Variants in CHIC2 observed in about 807,000 individuals in gnomAD.
CHIC2 encodes the protein cysteine rich hydrophobic domain 2.
A neutral mutation model predicts 25.9 loss-of-function variants in CHIC2; 14 were observed. The ratio of observed to expected loss-of-function variants is 0.54; its 90% CI spans 0.36 to 0.85. The LOEUF (loss-of-function observed/expected upper bound fraction) is 0.85, where lower values mean the gene tolerates loss of function less well. Among genes scored for constraint, CHIC2 ranks in the 40% least tolerant of loss-of-function variants. CHIC2 has a pLI of 0.01. For missense variants in CHIC2, 146 were observed against 202.0 expected, an observed-to-expected ratio of 0.72 and a Z score of 1.68; for synonymous variants, 70 against 72.0, an observed-to-expected ratio of 0.97 and a Z score of 0.14.
intron 3 of CHIC2, among the ~76,000 whole-genome samples, chr4:54,046,090 C>G (rs1180986019): frequency 6.6e-6 from 1 of 150,890 alleles, no homozygotes; most frequent in African/African-American, 2.4e-5. Context: ...ATCCAACTTA[C>G]AAGGGATGTG....
At chr4:54,076,084 C>T in the CHIC2 span, among the ~76,000 whole-genome samples, 3 of 152,024 alleles carry the variant, frequency 2.0e-5, no homozygotes, top group East Asian at 3.9e-4. Flanking sequence ...CTCAGGAGTT[C>T]AAGAACAGCC....
chr4:54,049,845 T>C (rs1223499989), intron 1 of CHIC2, among the ~76,000 whole-genome samples: 1 of 152,136 alleles, frequency 6.6e-6, no homozygotes, highest in Non-Finnish European at 1.5e-5. Flanking sequence ...TAGGTTCCAT[T>C]GAACACCTAT....
chr4:54,091,673 C>A, the CHIC2 span, among the ~76,000 whole-genome samples: 2 of 152,132 alleles, frequency 1.3e-5, no homozygotes, highest in Non-Finnish European at 2.9e-5. Flanking sequence ...ACCTGTTCCT[C>A]AAAAAACTAT....
chr4:54,038,319 G>C (rs908156834), intron 3 of CHIC2, among the ~76,000 whole-genome samples: 8 of 152,172 alleles, frequency 5.3e-5, no homozygotes, highest in Non-Finnish European at 1.0e-4. Context: ...TGTATTTTAT[G>C]TACTAGCAGT....
chr4:54,091,611 A>C, the CHIC2 span, among the ~76,000 whole-genome samples: 38 of 152,314 alleles, frequency 2.5e-4, no homozygotes, highest in Admixed American at 2.4e-3. Flanking sequence ...TGATGGGTGC[A>C]CCAAAATCTC....
the CHIC2 span, chr4:54,086,958 T>C: frequency 5.5e-6 from 4 of 727,196 alleles, no homozygotes; most frequent in Non-Finnish European, 9.9e-6. Context: ...CTCAATCTCA[T>C]GGACAACAAT....
the CHIC2 span, among the ~76,000 whole-genome samples, chr4:54,073,709 T>C: frequency 2.0e-5 from 3 of 152,196 alleles, no homozygotes; most frequent in Non-Finnish European, 4.4e-5. Context: ...TGTTTTAAGC[T>C]ACCAAGTTTT....
At chr4:54,069,090 A>C (rs1176017070), upstream of CHIC2, among the ~76,000 whole-genome samples, 1 of 152,174 alleles carries the variant, frequency 6.6e-6, no homozygotes, top group Non-Finnish European at 1.5e-5. Flanking sequence ...ACAGAGGTAC[A>C]ATCACCATTC....
At chr4:54,045,121 G>C (rs887907181) in intron 3 of CHIC2, among the ~76,000 whole-genome samples, 1 of 152,120 alleles carries the variant, frequency 6.6e-6, no homozygotes, top group Non-Finnish European at 1.5e-5. Context: ...TGTCTGAATA[G>C]ACCAATAACA....
upstream of CHIC2, among the ~76,000 whole-genome samples, chr4:54,064,958 C>A (rs1717477999): frequency 6.6e-6 from 1 of 152,228 alleles, no homozygotes; most frequent in African/African-American, 2.4e-5. The surrounding 1 kb of genome is among the most constrained non-coding windows in gnomAD (Gnocchi z 4.2). Flanking sequence ...AAAGTCATCT[C>A]TAACCAAAAC....
At position 54,051,132 on chromosome 4, in the gene CHIC2, T is replaced by C. The variant is rs1418678749; in HGVS notation, c.120-1827A>G. Among the ~76,000 whole-genome samples the C allele has an allele frequency of 2.6e-5, 4 of 152,224 alleles. No individual in the cohort carries two copies. In the East Asian group the frequency reaches 7.7e-4, roughly 29 times the overall value. ...ATCATTTCATTTCTCCCATCCTTAC[T>C]AAATTTGTTTTTTGGCCTCTGGTTG... On this transcript the variant is annotated intron_variant, in intron 1 of 5. Transcript: ENST00000263921.
At chr4:54,087,601 C>T in the CHIC2 span, 2,751 of 711,022 alleles carry the variant, frequency 3.9e-3, 8 homozygotes, top group Non-Finnish European at 5.4e-3. Flanking sequence ...GGGCACACAC[C>T]TACTGAGGTT....
At chr4:54,032,107 C>CA (rs1370582095) in intron 3 of CHIC2, among the ~76,000 whole-genome samples, 2 of 151,950 alleles carry the variant, frequency 1.3e-5, no homozygotes, top group Non-Finnish European at 2.9e-5. Flanking sequence ...AATAAAAGCA[C>CA]AAAGGAAATG....
the CHIC2 span, among the ~76,000 whole-genome samples, chr4:54,078,456 G>A: frequency 5.2e-3 from 793 of 152,256 alleles, 6 homozygotes; most frequent in South Asian, 7.9e-3. Context: ...TAGTTTGTCT[G>A]TATTGAGCTG....
intron 1 of CHIC2, among the ~76,000 whole-genome samples, chr4:54,052,500 A>G (rs865913735): frequency 2.6e-5 from 4 of 152,206 alleles, no homozygotes; most frequent in Admixed American, 1.3e-4. Context: ...AGAAAGGCCA[A>G]GTTTCATCCC....
chr4:54,083,613 A>T, the CHIC2 span, among the ~76,000 whole-genome samples: 1 of 152,158 alleles, frequency 6.6e-6, no homozygotes, highest in Admixed American at 6.5e-5. Context: ...TCTAATTAGT[A>T]ACCAAGGCTC....
chr4:54,078,890 T>C, the CHIC2 span, among the ~76,000 whole-genome samples: 1 of 152,276 alleles, frequency 6.6e-6, no homozygotes, highest in East Asian at 1.9e-4. Context: ...GAAATTTTAC[T>C]ATATACTTTC....
chr4:54,065,006 C>G (rs550396719), upstream of CHIC2, among the ~76,000 whole-genome samples: 9 of 152,252 alleles, frequency 5.9e-5, no homozygotes, highest in Non-Finnish European at 1.3e-4. Flanking sequence ...GGAATAGACA[C>G]ATTTTTGTGC....
intron 3 of CHIC2, among the ~76,000 whole-genome samples, chr4:54,040,278 C>T (rs1716523610): frequency 6.6e-6 from 1 of 152,132 alleles, no homozygotes; most frequent in Non-Finnish European, 1.5e-5. Flanking sequence ...ATCAAAATAA[C>T]AGAACATGCT....
Sources: gnomAD v4.1 joint callset for allele counts (sites outside exome capture counted in the v4.1 genomes callset) on GRCh38, gnomAD v4.1.1 for gene constraint, Gnocchi (gnomAD v3.1) non-coding constraint, MANE v1.5 for transcripts, NCBI Gene and HGNC (gene_info 2026-07-23, HGNC 2026-07-21) for gene names.